The following GABRA3 variants were observed in gnomAD, a reference collection of about 807,000 sequenced individuals.
GABRA3 encodes the protein gamma-aminobutyric acid type A receptor subunit alpha3, also known as gamma-aminobutyric acid receptor subunit alpha-3.
Under a neutral mutation model 30.1 loss-of-function variants are expected in GABRA3, and 10 were observed. The ratio of observed to expected loss-of-function variants is 0.33; its 90% confidence interval spans 0.20 to 0.56. The LOEUF (loss-of-function observed/expected upper bound fraction) is 0.56. Among genes scored for constraint, GABRA3 ranks in the 20% least tolerant of loss-of-function variants. GABRA3 has a pLI of 0.89. For synonymous variants in GABRA3, 151 were observed against 146.8 expected (o/e 1.03, Z -0.21); for missense variants, 233 against 392.0 (o/e 0.59, Z 3.42).
intron 4 of GABRA3, among the ~76,000 whole-genome samples, chrX:152,281,475 C>T (rs1939198384): frequency 8.9e-6 from 1 of 111,906 alleles, no homozygotes; most frequent in African/African-American, 3.2e-5. Flanking sequence ...CCAGCCTCAC[C>T]ACAAGCCTGT....
At chrX:152,383,195 G>C (rs1313077106) in intron 1 of GABRA3, among the ~76,000 whole-genome samples, 1 of 107,788 alleles carries the variant, frequency 9.3e-6, no homozygotes, top group African/African-American at 3.4e-5. Flanking sequence ...GACCATCCTG[G>C]CTAACACAAT....
intron 3 of GABRA3, among the ~76,000 whole-genome samples, chrX:152,291,952 A>G (rs1164346179): frequency 8.9e-6 from 1 of 111,906 alleles, no homozygotes; most frequent in Non-Finnish European, 1.9e-5. Context: ...ATCAATGTTC[A>G]TCAGGGATAT....
chrX:152,395,307 T>A (rs1929629010), intron 1 of GABRA3, among the ~76,000 whole-genome samples: 1 of 111,599 alleles, frequency 9.0e-6, no homozygotes, highest in Non-Finnish European at 1.9e-5. Flanking sequence ...CAGGAGCCAG[T>A]GACCACAATT....
intron 1 of GABRA3, among the ~76,000 whole-genome samples, chrX:152,408,591 C>T (rs1200553067): frequency 1.8e-5 from 2 of 111,061 alleles, no homozygotes; most frequent in African/African-American, 3.3e-5. Context: ...AAAGATAGTT[C>T]ACGGATTTTA....
intron 2 of GABRA3, among the ~76,000 whole-genome samples, chrX:152,350,026 C>T (rs1603246240): frequency 1.2e-5 from 1 of 82,900 alleles, no homozygotes; most frequent in East Asian, 4.0e-4. Flanking sequence ...CCACACCACA[C>T]CTATTCCAAA....
chrX:152,286,061 T>C (rs961258262), intron 3 of GABRA3, among the ~76,000 whole-genome samples: 22 of 104,128 alleles, frequency 2.1e-4, no homozygotes, highest in African/African-American at 6.6e-4. Context: ...AAATAAGTTA[T>C]ATACTTATAA....
chrX:152,175,787 G>C (rs776970447), intron 9 of GABRA3, among the ~76,000 whole-genome samples: 105 of 111,253 alleles, frequency 9.4e-4, no homozygotes, highest in Non-Finnish European at 1.5e-3. Flanking sequence ...CAAGGAGGCT[G>C]GGCACGGTGC....
At chrX:152,213,308 A>G (rs994424) in intron 6 of GABRA3, among the ~76,000 whole-genome samples, 30,417 of 111,076 alleles carry the variant, frequency 0.27, 3,565 homozygotes, top group African/African-American at 0.44. Context: ...AGATACAGCG[A>G]TCATAAAACA....
intron 4 of GABRA3, among the ~76,000 whole-genome samples, chrX:152,283,289 T>G (rs1939230106): frequency 1.8e-5 from 2 of 111,612 alleles, no homozygotes; most frequent in Non-Finnish European, 3.8e-5. Context: ...GCTCTCCCTG[T>G]GTGTCAAATG....
chrX:152,396,635 A>G (rs1332528155), intron 1 of GABRA3, among the ~76,000 whole-genome samples: 1 of 112,223 alleles, frequency 8.9e-6, no homozygotes, highest in East Asian at 2.8e-4. Flanking sequence ...CCTTGTGACT[A>G]TAGTCAACAT....
chrX:152,424,300 C>T (rs7049946), intron 1 of GABRA3, among the ~76,000 whole-genome samples: 28,827 of 107,724 alleles, frequency 0.27, 3,065 homozygotes, highest in Admixed American at 0.36. Flanking sequence ...TACCCCCTAA[C>T]ACCCCCTCAA....
chrX:152,193,824 C>T (rs1603205233), intron 8 of GABRA3, among the ~76,000 whole-genome samples: 1 of 110,747 alleles, frequency 9.0e-6, no homozygotes, highest in African/African-American at 3.3e-5. Flanking sequence ...TGGTGAAACC[C>T]CATCTCAACT....
intron 9 of GABRA3, among the ~76,000 whole-genome samples, chrX:152,170,480 T>A (rs765314842): frequency 2.7e-5 from 3 of 111,591 alleles, no homozygotes; most frequent in African/African-American, 9.8e-5. Context: ...TGCCCAGCTA[T>A]TTTTTTGTTT....
At chrX:152,202,255 C>G (rs1937493314) in intron 7 of GABRA3, among the ~76,000 whole-genome samples, 1 of 111,798 alleles carries the variant, frequency 8.9e-6, no homozygotes, top group African/African-American at 3.3e-5. Context: ...CATTCATATT[C>G]TAGACCCTAC....
At chrX:152,276,510 T>C (rs1051075768) in intron 4 of GABRA3, among the ~76,000 whole-genome samples, 3 of 111,728 alleles carry the variant, frequency 2.7e-5, no homozygotes, top group Non-Finnish European at 3.8e-5. Context: ...AAATTTTATC[T>C]TTAGGTACAC....
chrX:152,278,357 G>A (rs991112944), intron 4 of GABRA3, among the ~76,000 whole-genome samples: 1 of 107,895 alleles, frequency 9.3e-6, no homozygotes, highest in Admixed American at 1.0e-4. Context: ...AGAACATGTG[G>A]TGTTTGGTTT....
chrX:152,308,313 C>T (rs925946636), intron 3 of GABRA3, among the ~76,000 whole-genome samples: 2 of 112,708 alleles, frequency 1.8e-5, no homozygotes, highest in South Asian at 3.6e-4. Flanking sequence ...CCCAACTGAC[C>T]GGCTGCCCTT....
At chrX:152,357,628 A>C (rs1332746112) in intron 2 of GABRA3, among the ~76,000 whole-genome samples, 1 of 111,411 alleles carries the variant, frequency 9.0e-6, no homozygotes, top group Non-Finnish European at 1.9e-5. Context: ...TCATTTTATT[A>C]GGTCTCATTT....
intron 6 of GABRA3, among the ~76,000 whole-genome samples, chrX:152,212,281 T>G: frequency 2.4e-5 from 1 of 42,181 alleles, no homozygotes; most frequent in Non-Finnish European, 3.6e-5. Context: ...AAGGCCTTTG[T>G]CTCAAAAAAA....
Sources: allele counts gnomAD v4.1 joint callset (sites outside exome capture counted in the v4.1 genomes callset), GRCh38; gene constraint gnomAD v4.1.1; transcripts MANE v1.5; gene names NCBI Gene and HGNC (gene_info 2026-07-23, HGNC 2026-07-21).